Variants in ZFP1 observed in about 807,000 individuals in gnomAD.
ZFP1 encodes ZFP1 zinc finger protein, also known as zinc finger protein 1 homolog.
In ZFP1, 32 loss-of-function variants were observed where a neutral mutation model predicts 38.5. That is an observed-to-expected ratio of 0.83 (90% CI 0.63 to 1.12). The LOEUF is 1.12. Ranked by LOEUF, ZFP1 falls within the 50% of genes most tolerant of loss-of-function variation. The probability of loss-of-function intolerance (pLI) is 0.00; values close to 1 mark genes in which losing one functional copy is unlikely to be tolerated. For missense variants in ZFP1, 616 were observed against 480.8 expected (o/e 1.28, Z -2.63); for synonymous variants, 245 against 168.8 (o/e 1.45, Z -3.50).
chr16:75,156,313 C>A (rs374439277), intron 2 of ZFP1, among the ~76,000 whole-genome samples: 4 of 151,996 alleles, frequency 2.6e-5, no homozygotes, highest in East Asian at 1.9e-4. Flanking sequence ...AAAAATTAGC[C>A]GGGCGTGGTA....
chr16:75,165,049 C>T (rs570638876), intron 2 of ZFP1, among the ~76,000 whole-genome samples: 2 of 152,252 alleles, frequency 1.3e-5, no homozygotes, highest in East Asian at 1.9e-4. Context: ...AGGTGATCCA[C>T]CCACTTCAGC....
rs556601639 is a variant in ZFP1 at position 75,168,552 on chromosome 16, A to T, written c.143-701A>T. 1.7e-3 allele frequency among the ~76,000 whole-genome samples: 264 copies of T among 151,614 alleles called. 1 individual carries two copies. Among genetic ancestry groups the T allele is most frequent in the Middle Eastern group, 0.01 (3 of 294 alleles). On this transcript the variant is annotated intron_variant, in intron 3 of 3. Coordinates refer to ENST00000570010, the MANE Select transcript of ZFP1 (RefSeq NM_153688.4). ...CTCTCCCAGCAACTTCAGTAGAAAA[A>T]AAAAAGCAATAAAACCAGCAGCAGT...
At chr16:75,161,432 T>C (rs1422948302) in intron 2 of ZFP1, among the ~76,000 whole-genome samples, 5 of 151,750 alleles carry the variant, frequency 3.3e-5, no homozygotes, top group Admixed American at 1.3e-4. Flanking sequence ...ATCGTAAATG[T>C]GTGGCTCTCC....
chr16:75,139,531 A>C, the ZFP1 span, among the ~76,000 whole-genome samples: 1 of 152,114 alleles, frequency 6.6e-6, no homozygotes, highest in Non-Finnish European at 1.5e-5. Context: ...ATCTCTACCA[A>C]AAATAAACAA....
the ZFP1 span, among the ~76,000 whole-genome samples, chr16:75,133,351 T>C: frequency 6.6e-6 from 1 of 152,154 alleles, no homozygotes; most frequent in Non-Finnish European, 1.5e-5. Context: ...GGGGGTTTGC[T>C]GTATAGATTA....
chr16:75,122,297 G>A, the ZFP1 span, among the ~76,000 whole-genome samples: 1 of 152,318 alleles, frequency 6.6e-6, no homozygotes, highest in African/African-American at 2.4e-5. Context: ...AAAAAGAGCA[G>A]GAGTACCAGC....
At chr16:75,140,767 G>A in the ZFP1 span, among the ~76,000 whole-genome samples, 22 of 152,320 alleles carry the variant, frequency 1.4e-4, no homozygotes, top group African/African-American at 5.1e-4. Context: ...AGACCATCCT[G>A]GCTAACGCGG....
the ZFP1 span, among the ~76,000 whole-genome samples, chr16:75,135,438 C>T: frequency 6.6e-6 from 1 of 152,108 alleles, no homozygotes; most frequent in African/African-American, 2.4e-5. Flanking sequence ...ACATGACATT[C>T]TGGAAAAGAT....
chr16:75,122,811 G>T, the ZFP1 span, among the ~76,000 whole-genome samples: 1 of 152,214 alleles, frequency 6.6e-6, no homozygotes, highest in Non-Finnish European at 1.5e-5. Context: ...GCCCAGGAAT[G>T]AACAAGAACA....
chr16:75,169,213 G>A (rs375244569), intron 3 of ZFP1, 40 bp from the exon 4 acceptor site: 1 of 1,556,962 alleles, frequency 6.4e-7, no homozygotes, highest in Admixed American at 2.1e-5. Flanking sequence ...TATAGCGGAG[G>A]CATTGACAAG....
chr16:75,135,350 A>G, the ZFP1 span, among the ~76,000 whole-genome samples: 16 of 151,878 alleles, frequency 1.1e-4, no homozygotes, highest in African/African-American at 3.9e-4. Flanking sequence ...ACACAAAATA[A>G]CACAGAGGAA....
At chr16:75,141,365 G>T in the ZFP1 span, among the ~76,000 whole-genome samples, 1 of 151,704 alleles carries the variant, frequency 6.6e-6, no homozygotes, top group Non-Finnish European at 1.5e-5. Flanking sequence ...ACCACACCTG[G>T]CTAATTTTTT....
chr16:75,143,306 ATC>A, the ZFP1 span, among the ~76,000 whole-genome samples: 1 of 151,938 alleles, frequency 6.6e-6, no homozygotes. Flanking sequence ...CAATGGTGTG[ATC>A]TGGGCTCACT....
Position 75,166,826 on chromosome 16 carries a change from A to G in ZFP1, c.72A>G (p.Gln24=), listed in dbSNP as rs1567539244. 2 of 1,614,208 alleles carry G rather than the reference A, an allele frequency of 1.2e-6. No individual in the cohort carries two copies. Among genetic ancestry groups the G allele is most frequent in the Middle Eastern group, 1.6e-4 (1 of 6,062 alleles). The part of the protein sequence containing the change: ...TVDFTQEEWE[Q]LDPSQRILYM... ...ACTTTACCCAGGAGGAATGGGAACA[A>G]CTGGACCCCTCTCAGAGGATCCTAT... Residue 24 remains glutamine (Q), a synonymous_variant, in exon 3 of 4, where the codon CAA becomes CAG. Transcript: ENST00000570010.
intron 3 of ZFP1, among the ~76,000 whole-genome samples, chr16:75,167,119 C>G (rs1004968086): frequency 1.3e-5 from 2 of 152,174 alleles, no homozygotes; most frequent in South Asian, 2.1e-4. Flanking sequence ...AAATGGCTGT[C>G]AAGCCATATG....
At chr16:75,133,410 C>G in the ZFP1 span, among the ~76,000 whole-genome samples, 5 of 152,126 alleles carry the variant, frequency 3.3e-5, no homozygotes, top group South Asian at 1.0e-3. Context: ...ACCTTTTCTG[C>G]TCCTCTCCTC....
the ZFP1 span, among the ~76,000 whole-genome samples, chr16:75,129,799 T>A: frequency 2.0e-5 from 3 of 152,150 alleles, no homozygotes; most frequent in African/African-American, 4.8e-5. Context: ...CTAAATTAAC[T>A]GAGATCTGCC....
intron 2 of ZFP1, among the ~76,000 whole-genome samples, chr16:75,157,405 G>A (rs941739443): frequency 1.3e-5 from 2 of 151,806 alleles, no homozygotes; most frequent in African/African-American, 2.4e-5. Flanking sequence ...CACTACACAC[G>A]GTGAATTTTT....
In ZFP1 at chr16:75,172,218, A is replaced by G. The variant is rs943417721; in HGVS notation, c.*1884A>G. Reference sequence around the variant, plus strand: ...GTGTGTGTAGCAGTTTTTATAAAATAAAGATAAACCCTTATATATGTGTGT... The same window carrying G: ...GTGTGTGTAGCAGTTTTTATAAAATGAAGATAAACCCTTATATATGTGTGT... On this transcript the variant is annotated 3_prime_UTR_variant, in exon 4 of 4. Coordinates refer to ENST00000570010, the MANE Select transcript of ZFP1 (RefSeq NM_153688.4). The G allele has an allele frequency of 1.3e-5, 2 of 152,216 alleles. No homozygotes were observed. The highest frequency in any genetic ancestry group is 2.4e-5 in the African/African-American group (1 of 41,456). 9.4% of individuals were successfully genotyped at this position (152,216 alleles called of 1,614,324 possible).
Sources: allele counts gnomAD v4.1 joint callset (sites outside exome capture counted in the v4.1 genomes callset), GRCh38; gene constraint gnomAD v4.1.1; transcripts MANE v1.5; gene names NCBI Gene and HGNC (gene_info 2026-07-23, HGNC 2026-07-21).